IL26: variants seen among roughly 807,000 people sequenced by gnomAD.
IL26 encodes the protein interleukin 26.
In IL26, 23 loss-of-function variants were observed where a neutral mutation model predicts 21.7. That is an observed-to-expected ratio of 1.06 (90% CI 0.76 to 1.50). The LOEUF is 1.50. Ranked by LOEUF, IL26 falls within the 40% of genes most tolerant of loss-of-function variation. The pLI, the probability that IL26 is intolerant of heterozygous loss-of-function variation, is 0.00. For synonymous variants in IL26, 63 were observed against 67.8 expected, an observed-to-expected ratio of 0.93 and a Z score of 0.34; for missense variants, 204 against 196.0, an observed-to-expected ratio of 1.04 and a Z score of -0.24.
chr12:68,222,828 T>TA, intron 3 of IL26, among the ~76,000 whole-genome samples: 1 of 152,148 alleles, frequency 6.6e-6, no homozygotes, highest in East Asian at 1.9e-4. Context: ...ATACGGCAAG[T>TA]ATAATTAGTT....
At chr12:68,223,928 C>A in intron 3 of IL26, among the ~76,000 whole-genome samples, 1 of 134,192 alleles carries the variant, frequency 7.5e-6, no homozygotes. Flanking sequence ...TTTAACCTAG[C>A]CGATCTACTC....
intron 4 of IL26, 21 bp from the exon 5 acceptor site, chr12:68,201,952 T>G (rs777817616): frequency 6.4e-7 from 1 of 1,570,626 alleles, no homozygotes; most frequent in Non-Finnish European, 8.6e-7. Flanking sequence ...AGTACAGATA[T>G]AAGAGAATAA....
At chr12:68,204,776 C>T (rs1236011198) in intron 3 of IL26, among the ~76,000 whole-genome samples, 7 of 152,142 alleles carry the variant, frequency 4.6e-5, no homozygotes, top group African/African-American at 1.7e-4. Context: ...CTGCTTACTA[C>T]GAGTGACCCC....
intron 3 of IL26, among the ~76,000 whole-genome samples, chr12:68,205,857 C>T (rs1868527448): frequency 6.6e-6 from 1 of 152,188 alleles, no homozygotes; most frequent in Admixed American, 6.6e-5. Flanking sequence ...AACCCTTATG[C>T]CAATTGTCTA....
At chr12:68,205,816 A>G (rs918714751) in intron 3 of IL26, among the ~76,000 whole-genome samples, 1 of 152,206 alleles carries the variant, frequency 6.6e-6, no homozygotes, top group Non-Finnish European at 1.5e-5. Context: ...TCATGTCATA[A>G]AAGAAGTTAA....
intron 3 of IL26, among the ~76,000 whole-genome samples, chr12:68,204,037 G>T (rs1868459494): frequency 6.6e-6 from 1 of 152,052 alleles, no homozygotes; most frequent in African/African-American, 2.4e-5. Flanking sequence ...TGTCATTAGT[G>T]CATCTGTGAA....
intron 3 of IL26, among the ~76,000 whole-genome samples, chr12:68,217,218 G>A (rs1592899553): frequency 6.6e-6 from 1 of 152,128 alleles, no homozygotes; most frequent in East Asian, 1.9e-4. Context: ...CAAATACAGT[G>A]GTACTGGGAA....
intron 3 of IL26, among the ~76,000 whole-genome samples, chr12:68,204,141 A>ATTTTTTTTTTTT (rs6144754): frequency 2.1e-4 from 24 of 113,214 alleles, no homozygotes; most frequent in African/African-American, 3.5e-4. Context: ...GGATTCAAAG[A>ATTTTTTTTTTTT]TTTTTTTTTT....
intron 3 of IL26, among the ~76,000 whole-genome samples, chr12:68,223,967 G>A (rs1320478070): frequency 6.8e-6 from 1 of 146,324 alleles, no homozygotes; most frequent in Non-Finnish European, 1.5e-5. Flanking sequence ...ATGTACTCTG[G>A]GCTGAAATTT....
At chr12:68,216,567 C>G (rs192394692) in intron 3 of IL26, among the ~76,000 whole-genome samples, 1 of 152,158 alleles carries the variant, frequency 6.6e-6, no homozygotes, top group Non-Finnish European at 1.5e-5. Context: ...GACTTTGCAG[C>G]TGATAAAAGA....
At chr12:68,224,537 A>G (rs1464881631) in intron 3 of IL26, among the ~76,000 whole-genome samples, 1 of 152,024 alleles carries the variant, frequency 6.6e-6, no homozygotes, top group Non-Finnish European at 1.5e-5. Flanking sequence ...TTTTAAAAAC[A>G]TAAGTAAATA....
chr12:68,216,192 G>A (rs1868874703), intron 3 of IL26, among the ~76,000 whole-genome samples: 1 of 151,952 alleles, frequency 6.6e-6, no homozygotes, highest in South Asian at 2.1e-4. Flanking sequence ...ACAGGAGGCT[G>A]AGGCAGGGGA....
At chr12:68,216,080 C>G (rs893265895) in intron 3 of IL26, among the ~76,000 whole-genome samples, 1 of 151,568 alleles carries the variant, frequency 6.6e-6, no homozygotes, top group African/African-American at 2.4e-5. Context: ...ATCACAAGGT[C>G]AGAAGATCGA....
At chr12:68,224,046 C>CG (rs966150087) in intron 3 of IL26, among the ~76,000 whole-genome samples, 1 of 151,070 alleles carries the variant, frequency 6.6e-6, no homozygotes, top group African/African-American at 2.5e-5. Context: ...AACACCCCCC[C>CG]CCTCTAATGG....
chr12:68,221,362 C>T (rs565426669), intron 3 of IL26, among the ~76,000 whole-genome samples: 1 of 152,114 alleles, frequency 6.6e-6, no homozygotes, highest in Non-Finnish European at 1.5e-5. Context: ...AGCCATTTGA[C>T]GAATATCCAT....
chr12:68,203,965 A>G (rs1868457700), intron 3 of IL26, among the ~76,000 whole-genome samples: 2 of 152,114 alleles, frequency 1.3e-5, no homozygotes, highest in Non-Finnish European at 2.9e-5. Context: ...ATTTCATGTT[A>G]CATTTGCACC....
At chr12:68,208,657 C>T (rs1868615488) in intron 3 of IL26, among the ~76,000 whole-genome samples, 1 of 152,086 alleles carries the variant, frequency 6.6e-6, no homozygotes, top group African/African-American at 2.4e-5. Flanking sequence ...CACCCACCAC[C>T]ACGCCTGGCT....
chr12:68,223,109 T>A (rs1178830728), intron 3 of IL26, among the ~76,000 whole-genome samples: 1 of 151,972 alleles, frequency 6.6e-6, no homozygotes, highest in African/African-American at 2.4e-5. Flanking sequence ...TAAATCAATG[T>A]CTGCAGTCTT....
chr12:68,201,987 GTT>G (rs963181918), intron 4 of IL26, 29 bp downstream of exon 4: 10 of 1,544,482 alleles, frequency 6.5e-6, no homozygotes, highest in Non-Finnish European at 8.8e-6. Context: ...AAAAAACAAA[GTT>G]TTTTAATATA....
Sources: allele counts gnomAD v4.1 joint callset (sites outside exome capture counted in the v4.1 genomes callset), GRCh38; gene constraint gnomAD v4.1.1; transcripts MANE v1.5; gene names NCBI Gene and HGNC (gene_info 2026-07-23, HGNC 2026-07-21).